Variants in STON2 observed in about 807,000 individuals in gnomAD.
The protein encoded by STON2 is stonin 2, also known as stonin-2.
A neutral mutation model predicts 65.7 loss-of-function variants in STON2; 29 were observed. The ratio of observed to expected loss-of-function variants is 0.44; its 90% CI spans 0.33 to 0.60. The LOEUF is 0.60. STON2 is among the 20% of genes least tolerant of loss of function. The pLI is 0.03. For missense variants in STON2, 1,054 were observed against 1,118.1 expected (o/e 0.94, Z 0.82); for synonymous variants, 404 against 414.2 (o/e 0.98, Z 0.30).
At chr14:81,420,738 C>G (rs941025315) in intron 2 of STON2, among the ~76,000 whole-genome samples, 1 of 152,150 alleles carries the variant, frequency 6.6e-6, no homozygotes, top group African/African-American at 2.4e-5. Context: ...TCCAAGCTGG[C>G]AGGATGGTAT....
chr14:81,262,765 G>A lies in STON2; in HGVS notation c.*5649C>T. 1.0e-6 allele frequency: 1 copy of A among 985,330 alleles called. No individual in the cohort carries two copies. Among genetic ancestry groups the A allele is most frequent in the Non-Finnish European group, 1.2e-6 (1 of 829,866 alleles). 61.0% of individuals were successfully genotyped at this position (985,330 alleles called of 1,614,324 possible). On this transcript the variant is annotated 3_prime_UTR_variant, in exon 8 of 8. Coordinates refer to ENST00000614646, the MANE Select transcript of STON2 (RefSeq NM_001394390.1). ...GCAGATTTGCTAAGGCACACTAGAAGAAATGTAAAAATCTCACATTCTTGT... is the reference window on the plus strand; with the variant it reads ...GCAGATTTGCTAAGGCACACTAGAAAAAATGTAAAAATCTCACATTCTTGT...
intron 5 of STON2, among the ~76,000 whole-genome samples, chr14:81,293,674 G>T (rs1425197522): frequency 6.6e-6 from 1 of 152,120 alleles, no homozygotes; most frequent in Non-Finnish European, 1.5e-5. Flanking sequence ...TTGTGCACTG[G>T]GGCTTGCCTT....
intron 2 of STON2, among the ~76,000 whole-genome samples, chr14:81,419,100 C>T (rs1901579955): frequency 6.6e-6 from 1 of 151,854 alleles, no homozygotes; most frequent in African/African-American, 2.4e-5. Context: ...AGGATTAACA[C>T]TCTTTATCAT....
At chr14:81,387,144 G>A (rs1436209920) in intron 3 of STON2, among the ~76,000 whole-genome samples, 2 of 149,588 alleles carry the variant, frequency 1.3e-5, no homozygotes, top group Non-Finnish European at 1.5e-5. Context: ...ATTTCATTTT[G>A]ATTTAACACC....
At chr14:81,431,927 A>G (rs1902242823) in intron 1 of STON2, among the ~76,000 whole-genome samples, 3 of 152,160 alleles carry the variant, frequency 2.0e-5, no homozygotes, top group South Asian at 4.1e-4. Context: ...CCTGGGGGAC[A>G]AGAGCAAAAC....
At chr14:81,271,019 G>T in intron 6 of STON2, 147 bp from the exon 7 acceptor site, 1 of 1,049,180 alleles carries the variant, frequency 9.5e-7, no homozygotes, top group Non-Finnish European at 1.3e-6. Context: ...ACGAGGATCC[G>T]CCCGGCTCAG....
At chr14:81,436,130 G>C (rs1380995539) in intron 1 of STON2, 2 of 152,154 alleles carry the variant, frequency 1.3e-5, no homozygotes, top group Non-Finnish European at 2.9e-5. Flanking sequence ...CGGGACGCCC[G>C]CGGCTGGTGG....
chr14:81,270,401 T>C (rs1411053471), intron 7 of STON2: 4 of 1,395,090 alleles, frequency 2.9e-6, no homozygotes, highest in Non-Finnish European at 3.7e-6. Context: ...ATTCTTTTTG[T>C]TGTCATTGCT....
chr14:81,275,729 G>A (rs905328171), intron 6 of STON2, among the ~76,000 whole-genome samples: 1 of 152,160 alleles, frequency 6.6e-6, no homozygotes, highest in African/African-American at 2.4e-5. Context: ...CCCAGTGTCT[G>A]ATACAGAATG....
At chr14:81,403,064 C>T (rs1468211959), upstream of STON2, among the ~76,000 whole-genome samples, 1 of 152,216 alleles carries the variant, frequency 6.6e-6, no homozygotes, top group Non-Finnish European at 1.5e-5. Context: ...CCCTGATCCA[C>T]CTCTCTAATC....
intron 3 of STON2, among the ~76,000 whole-genome samples, chr14:81,381,621 C>T (rs1320480853): frequency 6.6e-6 from 1 of 152,120 alleles, no homozygotes; most frequent in Non-Finnish European, 1.5e-5. Flanking sequence ...GTTACCCTTC[C>T]CCCTTTCTTT....
At chr14:81,402,727 T>G (rs544238072), upstream of STON2, among the ~76,000 whole-genome samples, 2 of 152,192 alleles carry the variant, frequency 1.3e-5, no homozygotes, top group African/African-American at 4.8e-5. Context: ...CCACTGCCAA[T>G]GCCTTGGCTC....
At chr14:81,283,530 A>ATTTTT (rs10653687) in intron 5 of STON2, among the ~76,000 whole-genome samples, 6 of 128,902 alleles carry the variant, frequency 4.7e-5, no homozygotes, top group Admixed American at 8.2e-5. Flanking sequence ...CAGATACTGC[A>ATTTTT]TTTTTTTTTT....
rs45541932 is a variant in STON2, at chr14:81,277,732, C to T, written c.1750G>A (p.Val584Met). 0.01 allele frequency: 16,834 copies of T among 1,614,160 alleles called. 118 individuals carry two copies. The highest frequency in any genetic ancestry group is 0.012 in the South Asian group (1,077 of 91,074). ...AVAHTAEREQVIKLGTTNYDD... is the reference protein window; with the variant it reads ...AVAHTAEREQMIKLGTTNYDD... Reference sequence around the variant, plus strand: ...TAATTGGTGGTGCCCAGCTTAATCACCTGTTCCCTCTCTGCTGTGTGGGCC... The same window carrying T: ...TAATTGGTGGTGCCCAGCTTAATCATCTGTTCCCTCTCTGCTGTGTGGGCC... The change falls in exon 6 of 8, where the codon GTG becomes ATG. Residue 584 changes from valine (V) to methionine (M), a missense_variant. By Grantham distance (21) the Val-to-Met change is conservative. Transcript: ENST00000614646.
chr14:81,344,647 G>C (rs1897745086), intron 4 of STON2, among the ~76,000 whole-genome samples: 1 of 152,134 alleles, frequency 6.6e-6, no homozygotes, highest in African/African-American at 2.4e-5. Context: ...TAAACTAATA[G>C]CTAAAGAGTA....
chr14:81,305,820 A>G (rs1896150608), intron 5 of STON2, among the ~76,000 whole-genome samples: 1 of 151,714 alleles, frequency 6.6e-6, no homozygotes, highest in Admixed American at 6.6e-5. Flanking sequence ...TGGGATTGTC[A>G]GTTAAGGTTC....
chr14:81,434,714 A>C (rs1224994942), intron 1 of STON2, among the ~76,000 whole-genome samples: 1 of 152,118 alleles, frequency 6.6e-6, no homozygotes, highest in Non-Finnish European at 1.5e-5. Context: ...GCAATTGAGC[A>C]GGGGGTTCAG....
chr14:81,323,561 T>A (rs1896897222), intron 5 of STON2: 1 of 152,220 alleles, frequency 6.6e-6, no homozygotes, highest in African/African-American at 2.4e-5. Flanking sequence ...TGAACTCCTT[T>A]AAATAAAGGG....
chr14:81,426,484 T>C (rs1214193485), intron 2 of STON2, among the ~76,000 whole-genome samples: 2 of 152,184 alleles, frequency 1.3e-5, no homozygotes, highest in Admixed American at 6.5e-5. Flanking sequence ...CCCACACAGA[T>C]GCTTCCAGCC....
Sources: allele counts gnomAD v4.1 joint callset (sites outside exome capture counted in the v4.1 genomes callset), GRCh38; gene constraint gnomAD v4.1.1; transcripts MANE v1.5; gene names NCBI Gene and HGNC (gene_info 2026-07-23, HGNC 2026-07-21).